The following TUBA8 variants were observed in gnomAD, a reference collection of about 807,000 sequenced individuals.
TUBA8 encodes the protein tubulin alpha-8 chain.
Under a neutral mutation model 34.7 loss-of-function variants are expected in TUBA8, and 29 were observed. The ratio of observed to expected loss-of-function variants is 0.84; its 90% CI spans 0.62 to 1.14. The LOEUF (loss-of-function observed/expected upper bound fraction) is 1.14. Among genes scored for constraint, TUBA8 ranks in the 50% most tolerant of loss-of-function variants. The probability of loss-of-function intolerance (pLI) is 0.00; values close to 1 mark genes in which losing one functional copy is unlikely to be tolerated. For synonymous variants in TUBA8, 226 were observed against 231.2 expected (o/e 0.98, Z 0.21); for missense variants, 541 against 599.2 (o/e 0.90, Z 1.01).
In TUBA8 at chr22:18,131,480, G is replaced by T; in HGVS notation, c.*344G>T. 2 of 342,658 alleles carry T rather than the reference G, an allele frequency of 5.8e-6. No individual in the cohort carries two copies. The highest frequency in any genetic ancestry group is 1.1e-5 in the Non-Finnish European group (2 of 180,372). The allele number at this position is 342,658 out of a possible 1,614,324, so 21.2% of individuals were successfully genotyped here. ...CCCAAAACATGGCCTGCTGGCTGGGGAGTGGGAACACTCAGAGAAAGGGGA... is the reference window on the plus strand; with the variant it reads ...CCCAAAACATGGCCTGCTGGCTGGGTAGTGGGAACACTCAGAGAAAGGGGA... On this transcript the variant is annotated 3_prime_UTR_variant, in exon 5 of 5. Coordinates refer to ENST00000330423, the MANE Select transcript of TUBA8 (RefSeq NM_018943.3). This position sits in a 1 kb window ranked among gnomAD's most constrained non-coding sequence, Gnocchi z 5.3.
In TUBA8 at chr22:18,111,283, G is replaced by A. The variant is rs149720546; in HGVS notation, c.3+415G>A. On this transcript the variant is annotated intron_variant, in intron 1 of 4. Coordinates refer to ENST00000330423, the MANE Select transcript of TUBA8 (RefSeq NM_018943.3). The surrounding 1 kb of genome is among the most constrained non-coding windows in gnomAD (Gnocchi z 5.1). The stretch of plus-strand genomic sequence containing the variant: ...GGGGGCCAGATGCAGTCACGTCTCC[G>A]AACCCAGCCTAATGTGACAGGGCCC... 5.5e-3 allele frequency: 1,408 copies of A among 257,862 alleles called. 20 individuals are homozygous for A. Among genetic ancestry groups the A allele is most frequent in the African/African-American group, 0.029 (1,283 of 44,466 alleles). The allele number at this position is 257,862 out of a possible 1,614,324, so 16.0% of individuals were successfully genotyped here. A position where few individuals can be genotyped will look rare whatever the true frequency, so the allele number is the denominator to read the frequency against.
At chr22:18,127,516 C>T (rs1264609361) in intron 4 of TUBA8, 6 of 156,992 alleles carry the variant, frequency 3.8e-5, no homozygotes, top group African/African-American at 1.5e-4. Context: ...GCCTCAGCCT[C>T]CCAAGTAGCT....
At chr22:18,114,503 T>C (rs1476504998) in intron 1 of TUBA8, 1 of 152,248 alleles carries the variant, frequency 6.6e-6, no homozygotes, top group Non-Finnish European at 1.5e-5. Context: ...ATCTCAAATA[T>C]GCCCTATGAT....
chr22:18,127,270 T>A, intron 4 of TUBA8: 2 of 528,228 alleles, frequency 3.8e-6, no homozygotes, highest in Non-Finnish European at 6.7e-6. Context: ...ATTAATTGGT[T>A]AATCACCTTT....
rs757062885 is a variant in TUBA8, at chr22:18,121,450, C to A, written c.4-29C>A. 1.1e-5 allele frequency: 18 copies of A among 1,602,834 alleles called. No individual in the cohort carries two copies. In the East Asian group the frequency reaches 4.0e-4, roughly 36 times the overall value. ...AAGGCATGCTGGGGGCCCAGACTCT[C>A]TGACCTCGTTGCTTCCCTCTCCCCA... is the stretch of plus-strand genomic sequence containing the variant. On this transcript the variant is annotated intron_variant, in intron 1 of 4. Transcript: ENST00000330423. The surrounding 1 kb of genome is among the most constrained non-coding windows in gnomAD (Gnocchi z 4.8).
In TUBA8 at chr22:18,117,375, A is replaced by G. The variant is rs1157883906; in HGVS notation, c.4-4104A>G. On this transcript the variant is annotated intron_variant, in intron 1 of 4. Transcript: ENST00000330423. ...TCCCCCAAATATTTTGATTTGTTCA[A>G]ACAAGAATTCAGTCAGAGTCCCCAT... The G allele has an allele frequency of 2.0e-5, 3 of 152,504 alleles. No homozygotes were observed. In the East Asian group the frequency reaches 5.8e-4, roughly 29 times the overall value. 9.4% of individuals were successfully genotyped at this position (152,504 alleles called of 1,614,324 possible).
chr22:18,113,967 A>G (rs1927891366), intron 1 of TUBA8: 1 of 151,768 alleles, frequency 6.6e-6, no homozygotes, highest in Non-Finnish European at 1.5e-5. Context: ...CTTCAAAGGG[A>G]GATGAAAGTT....
chr22:18,110,905 C>A lies in TUBA8; in HGVS notation c.3+37C>A, dbSNP rs750928654. The A allele has an allele frequency of 1.3e-6, 2 of 1,542,080 alleles. No individual in the cohort carries two copies. Among genetic ancestry groups the A allele is most frequent in the Non-Finnish European group, 1.7e-6 (2 of 1,150,826 alleles). ...CGGGGCCAGGCGGGCTGCGGGCGCG[C>A]GGCAGGCGTAGGACCGAGAGCCGAG... On this transcript the variant is annotated intron_variant, in intron 1 of 4. Coordinates refer to ENST00000330423, the MANE Select transcript of TUBA8 (RefSeq NM_018943.3). This position sits in a 1 kb window ranked among gnomAD's most constrained non-coding sequence, Gnocchi z 6.2.
rs1258197166 is a variant in TUBA8, at chr22:18,118,822, G to A, written c.4-2657G>A. 6.6e-6 allele frequency: 1 copy of A among 152,224 alleles called. No individual in the cohort carries two copies. The highest frequency in any genetic ancestry group is 6.5e-5 in the Admixed American group (1 of 15,280). The allele number at this position is 152,224 out of a possible 1,614,324, so 9.4% of individuals were successfully genotyped here. A position where few individuals can be genotyped will look rare whatever the true frequency, so the allele number is the denominator to read the frequency against. On this transcript the variant is annotated intron_variant, in intron 1 of 4. Transcript: ENST00000330423. The surrounding 1 kb of genome is among the most constrained non-coding windows in gnomAD (Gnocchi z 4.0). ...TTGTAAAAGACTGGCATATGTATTA[G>A]TGTGAGATTAATGAGGGCATTAAAA...
chr22:18,119,444 C>T lies in TUBA8; in HGVS notation c.4-2035C>T, dbSNP rs1163322060. 1.3e-5 allele frequency: 2 copies of T among 152,238 alleles called. No individual in the cohort carries two copies. Among genetic ancestry groups the T allele is most frequent in the Non-Finnish European group, 2.9e-5 (2 of 68,058 alleles). 9.4% of individuals were successfully genotyped at this position (152,238 alleles called of 1,614,324 possible). On this transcript the variant is annotated intron_variant, in intron 1 of 4. Coordinates refer to ENST00000330423, the MANE Select transcript of TUBA8 (RefSeq NM_018943.3). This position sits in a 1 kb window ranked among gnomAD's most constrained non-coding sequence, Gnocchi z 5.9. ...AGACAGCATCAACAACTGTGGCTAA[C>T]TTACACTTTTCAGATGAGGAGAGGC... is the stretch of plus-strand genomic sequence containing the variant.
chr22:18,116,450 C>T (rs1201803106), intron 1 of TUBA8: 1 of 152,174 alleles, frequency 6.6e-6, no homozygotes, highest in Non-Finnish European at 1.5e-5. Flanking sequence ...AGTGCTGTGA[C>T]ATACTGAATT....
Position 18,131,411 on chromosome 22 carries a change from A to G in TUBA8, c.*275A>G. On this transcript the variant is annotated 3_prime_UTR_variant, in exon 5 of 5. Coordinates refer to ENST00000330423, the MANE Select transcript of TUBA8 (RefSeq NM_018943.3). The surrounding 1 kb of genome is among the most constrained non-coding windows in gnomAD (Gnocchi z 5.3). Reference sequence around the variant, plus strand: ...CTGCAGCCCAGTTTCACATGCGAGGAGGCCTAATCAGGAGTTTCAATTCCA... The same window carrying G: ...CTGCAGCCCAGTTTCACATGCGAGGGGGCCTAATCAGGAGTTTCAATTCCA... 2.2e-6 allele frequency: 1 copy of G among 447,208 alleles called. No homozygotes were observed. Among genetic ancestry groups the G allele is most frequent in the Non-Finnish European group, 4.1e-6 (1 of 242,344 alleles). 27.7% of individuals were successfully genotyped at this position (447,208 alleles called of 1,614,324 possible). A position where few individuals can be genotyped will look rare whatever the true frequency, so the allele number is the denominator to read the frequency against.
chr22:18,126,405 G>T lies in TUBA8; in HGVS notation c.427G>T (p.Gly143Trp), dbSNP rs377420893. 43 of 1,613,882 alleles carry T rather than the reference G, an allele frequency of 2.7e-5. No homozygotes were observed. The highest frequency in any genetic ancestry group is 3.6e-5 in the Non-Finnish European group (42 of 1,179,998). Residue 143 changes from glycine to tryptophan, a missense_variant, in exon 4 of 5, where the codon GGG becomes TGG. Coordinates refer to ENST00000330423, the MANE Select transcript of TUBA8 (RefSeq NM_018943.3). This position sits in a 1 kb window ranked among gnomAD's most constrained non-coding sequence, Gnocchi z 4.0. ...QGFLIFHSFG[G>W]GTGSGFTSLL... ...CTTCCTGATTTTCCACAGTTTTGGT[G>T]GGGGCACTGGCTCCGGCTTCACTTC...
intron 4 of TUBA8, chr22:18,127,402 T>TG (rs1452108736): frequency 5.1e-6 from 1 of 195,810 alleles, no homozygotes; most frequent in Non-Finnish European, 1.0e-5. Context: ...TTGTTTTTTT[T>TG]TTTTTTTTTG....
chr22:18,128,163 C>T (rs1023819121), intron 4 of TUBA8: 1 of 152,124 alleles, frequency 6.6e-6, no homozygotes, highest in Non-Finnish European at 1.5e-5. Flanking sequence ...ATCTATCCTG[C>T]ACATCTTAAT....
intron 4 of TUBA8, chr22:18,127,908 A>G (rs780134672): frequency 6.6e-6 from 1 of 152,154 alleles, no homozygotes; most frequent in Non-Finnish European, 1.5e-5. Context: ...CGTGTTAGCC[A>G]GGATGGTCTT....
intron 2 of TUBA8, chr22:18,123,141 G>GAAAA (rs1337307292): frequency 7.5e-6 from 1 of 133,750 alleles, no homozygotes; most frequent in Admixed American, 7.8e-5. Context: ...AAAAAAAATT[G>GAAAA]TTGGTACACC....
In TUBA8 at chr22:18,126,555, A is replaced by G. The variant is rs1928328982; in HGVS notation, c.577A>G (p.Thr193Ala). Reference sequence around the variant, plus strand: ...CTACAACTCCATCCTGACCACCCACACCACACTGGAACATTCAGATTGTGC... The same window carrying G: ...CTACAACTCCATCCTGACCACCCACGCCACACTGGAACATTCAGATTGTGC... Reference protein sequence around the residue: ...EPYNSILTTHTTLEHSDCAFM... With the variant: ...EPYNSILTTHATLEHSDCAFM... The change falls in exon 4 of 5, where the codon ACC (threonine) becomes GCC (alanine). Residue 193 changes from threonine (T) to alanine (A), a missense_variant. Coordinates refer to ENST00000330423, the MANE Select transcript of TUBA8 (RefSeq NM_018943.3). This position sits in a 1 kb window ranked among gnomAD's most constrained non-coding sequence, Gnocchi z 4.0. The G allele has an allele frequency of 1.2e-6, 2 of 1,613,984 alleles. No individual in the cohort carries two copies. Among genetic ancestry groups the G allele is most frequent in the African/African-American group, 2.7e-5 (2 of 74,892 alleles).
Position 18,126,861 on chromosome 22 carries a change from TGCTTTGAGCCCAACA to T in TUBA8, c.886_900del (p.Phe296_Ser300del). Reference sequence around the variant, plus strand: ...CTCTGTGGCCGAGATAACCAGCTCCTGCTTTGAGCCCAACAGCCAGATGGTGAAGTGCGACCCGAG... The same window carrying T: ...CTCTGTGGCCGAGATAACCAGCTCCTGCCAGATGGTGAAGTGCGACCCGAG... On this transcript the variant is annotated inframe_deletion, in exon 4 of 5. Transcript: ENST00000330423. This position sits in a 1 kb window ranked among gnomAD's most constrained non-coding sequence, Gnocchi z 4.0. The T allele has an allele frequency of 6.2e-7, 1 of 1,612,066 alleles. No homozygotes were observed. The highest frequency in any genetic ancestry group is 8.5e-7 in the Non-Finnish European group (1 of 1,178,764).
Sources: gnomAD v4.1 joint callset for allele counts on GRCh38, gnomAD v4.1.1 for gene constraint, Gnocchi (gnomAD v3.1) non-coding constraint, MANE v1.5 for transcripts, NCBI Gene and HGNC (gene_info 2026-07-23, HGNC 2026-07-21) for gene names.